The following GPC3 variants were observed in gnomAD, a reference collection of about 807,000 sequenced individuals.
The protein encoded by GPC3 is glypican-3.
GPC3 carries 3 observed loss-of-function variants against 34.4 expected under a neutral mutation model. The observed-to-expected ratio is 0.09, with a 90% CI of 0.04 to 0.23. GPC3 has a LOEUF of 0.23. GPC3 is among the 10% of genes least tolerant of loss of function. The probability of loss-of-function intolerance (pLI) is 1.00; values close to 1 mark genes in which losing one functional copy is unlikely to be tolerated. For missense variants in GPC3, 351 were observed against 445.6 expected, an observed-to-expected ratio of 0.79 and a Z score of 1.91; for synonymous variants, 177 against 174.0, an observed-to-expected ratio of 1.02 and a Z score of -0.13.
At chrX:133,584,033 C>G (rs2069759295) in intron 7 of GPC3, among the ~76,000 whole-genome samples, 1 of 111,587 alleles carries the variant, frequency 9.0e-6, no homozygotes, top group African/African-American at 3.3e-5. Flanking sequence ...CGTGCCTTCC[C>G]CCACTCAGCT....
chrX:133,862,524 CAA>C (rs760286014), intron 2 of GPC3, among the ~76,000 whole-genome samples: 6 of 75,926 alleles, frequency 7.9e-5, no homozygotes, highest in Admixed American at 1.5e-4. Context: ...ACTAAAAATA[CAA>C]AAAAAAAAAA....
At chrX:133,952,975 C>CTT (rs1212746673) in intron 2 of GPC3, 75 bp downstream of exon 2, 10 of 850,344 alleles carry the variant, frequency 1.2e-5, no homozygotes, top group Non-Finnish European at 1.6e-5. Context: ...ATAAATTATA[C>CTT]TTAGTATTTG....
chrX:133,739,456 G>C (rs1419349994), intron 3 of GPC3, among the ~76,000 whole-genome samples: 5 of 111,848 alleles, frequency 4.5e-5, no homozygotes, highest in Admixed American at 9.5e-5. Flanking sequence ...GTTCTGCGAG[G>C]TTGGTATTTT....
At chrX:133,538,404 T>C (rs765447519) in intron 7 of GPC3, among the ~76,000 whole-genome samples, 38 of 111,623 alleles carry the variant, frequency 3.4e-4, no homozygotes, top group African/African-American at 1.2e-3. Flanking sequence ...ATTTTTAGGG[T>C]TGACCTGAAT....
intron 2 of GPC3, among the ~76,000 whole-genome samples, chrX:133,796,418 G>A (rs1270098859): frequency 1.8e-5 from 2 of 112,372 alleles, no homozygotes; most frequent in Admixed American, 1.9e-4. Context: ...TGACAAGTTA[G>A]ACCCTGGCTA....
rs752164441 is a variant in GPC3, at chrX:133,692,082, G to A, written c.1292+287C>T. On this transcript the variant is annotated intron_variant, in intron 5 of 7. Transcript: ENST00000370818. ...TTCTGCCTCAGCCTCCCCAGTAGCT[G>A]GGACTACAGGCTTGCGCCATCATGC... Among the ~76,000 whole-genome samples the A allele has an allele frequency of 5.6e-4, 63 of 112,526 alleles. 1 individual carries two copies. Among genetic ancestry groups the A allele is most frequent in the African/African-American group, 1.9e-3 (60 of 31,008 alleles).
At position 133,939,961 on chromosome X, in the gene GPC3, G is replaced by A. The variant is rs1404264747; in HGVS notation, c.337+13089C>T. Among the ~76,000 whole-genome samples the A allele has an allele frequency of 3.6e-5, 4 of 111,241 alleles. No homozygotes were observed. The Admixed American group carries it at 3.8e-4, about 11-fold the overall frequency. On this transcript the variant is annotated intron_variant, in intron 2 of 7. Transcript: ENST00000370818. ...CAGGGAAAAGAAGCCTAAATCTTTGGCAGGAAGAAATTAAATGTAGTGCAA... is the reference window on the plus strand; with the variant it reads ...CAGGGAAAAGAAGCCTAAATCTTTGACAGGAAGAAATTAAATGTAGTGCAA...
chrX:133,890,309 A>G (rs1042148919), intron 2 of GPC3, among the ~76,000 whole-genome samples: 23 of 111,772 alleles, frequency 2.1e-4, no homozygotes, highest in Admixed American at 9.6e-4. Context: ...TAGCACAATA[A>G]AGATCCTTAT....
chrX:133,821,753 A>C (rs1396347425), intron 2 of GPC3, among the ~76,000 whole-genome samples: 2 of 112,112 alleles, frequency 1.8e-5, no homozygotes, highest in Non-Finnish European at 3.8e-5. Flanking sequence ...CTTGGTGATA[A>C]AACTTTCAGG....
chrX:133,704,092 G>C, intron 3 of GPC3: 1 of 367,782 alleles, frequency 2.7e-6, no homozygotes, highest in Non-Finnish European at 4.5e-6. Flanking sequence ...GCTTGGTCTA[G>C]ATCATGCAGA....
rs760262228 is a variant in GPC3, at chrX:133,922,662, A to G, written c.337+30388T>C. Among the ~76,000 whole-genome samples the G allele has an allele frequency of 1.5e-3, 163 of 109,335 alleles. 1 individual carries two copies. Among genetic ancestry groups the G allele is most frequent in the Admixed American group, 3.1e-3 (32 of 10,192 alleles). The allele number at this position is 109,335 out of a possible 115,157, so 94.9% of individuals were successfully genotyped here. ...CAGCTCTTTGATTGATTCACCACCA[A>G]CCGCCCCCTTGCCCCCCGCCCCCAG... On this transcript the variant is annotated intron_variant, in intron 2 of 7. Coordinates refer to ENST00000370818, the MANE Select transcript of GPC3 (RefSeq NM_004484.4).
intron 2 of GPC3, among the ~76,000 whole-genome samples, chrX:133,862,964 C>T (rs1421767101): frequency 8.9e-6 from 1 of 112,908 alleles, no homozygotes; most frequent in Non-Finnish European, 1.9e-5. Flanking sequence ...ACACAACATC[C>T]TGGCATCGAG....
chrX:133,624,497 A>T (rs1191180023), intron 6 of GPC3, among the ~76,000 whole-genome samples: 4 of 111,969 alleles, frequency 3.6e-5, no homozygotes, highest in Non-Finnish European at 5.6e-5. Context: ...AATCCCACAG[A>T]AATACAAACT....
chrX:133,916,802 C>T (rs1236995588), intron 2 of GPC3, among the ~76,000 whole-genome samples: 1 of 110,736 alleles, frequency 9.0e-6, no homozygotes, highest in Non-Finnish European at 1.9e-5. Flanking sequence ...TCACTTGAGC[C>T]CAGGAAATCA....
rs2076284840 is a variant in GPC3 at position 133,928,504 on chromosome X, C to A, written c.337+24546G>T. Among the ~76,000 whole-genome samples, 5 of 111,654 alleles carry A rather than the reference C, an allele frequency of 4.5e-5. No homozygotes were observed. In the Admixed American group the frequency reaches 4.8e-4, roughly 11 times the overall value. On this transcript the variant is annotated intron_variant, in intron 2 of 7. Transcript: ENST00000370818. Reference sequence around the variant, plus strand: ...GTCCTAATTTTAATTTCCTTAGGAACCTCCATACTGTTTTCCATAATGGTT... The same window carrying A: ...GTCCTAATTTTAATTTCCTTAGGAAACTCCATACTGTTTTCCATAATGGTT...
chrX:133,982,982 C>T (rs1390276162), intron 1 of GPC3, among the ~76,000 whole-genome samples: 1 of 112,358 alleles, frequency 8.9e-6, no homozygotes, highest in African/African-American at 3.2e-5. Flanking sequence ...TCTTTCCACA[C>T]ACGAACATTA....
chrX:133,593,354 TA>T (rs1186766438), intron 7 of GPC3, among the ~76,000 whole-genome samples: 250 of 47,686 alleles, frequency 5.2e-3, no homozygotes, highest in African/African-American at 1.0e-2. Context: ...AAAAAAAAAG[TA>T]AAAAAAAAAA....
intron 2 of GPC3, among the ~76,000 whole-genome samples, chrX:133,904,049 T>C (rs200979657): frequency 8.9e-6 from 1 of 112,273 alleles, no homozygotes; most frequent in East Asian, 2.8e-4. Flanking sequence ...AGATCCTCAA[T>C]ACAATCTAGA....
At chrX:133,548,313 G>A (rs2069404486) in intron 7 of GPC3, among the ~76,000 whole-genome samples, 1 of 111,576 alleles carries the variant, frequency 9.0e-6, no homozygotes, top group Admixed American at 9.5e-5. Flanking sequence ...AAGTATATCA[G>A]GGCTTCATCA....
Sources: gnomAD v4.1 joint callset for allele counts (sites outside exome capture counted in the v4.1 genomes callset) on GRCh38, gnomAD v4.1.1 for gene constraint, MANE v1.5 for transcripts, NCBI Gene and HGNC (gene_info 2026-07-23, HGNC 2026-07-21) for gene names.